The following L3MBTL4 variants were observed in gnomAD, a reference collection of about 807,000 sequenced individuals.
The protein encoded by L3MBTL4 is lethal(3)malignant brain tumor-like protein 4.
Under a neutral mutation model 84.5 loss-of-function variants are expected in L3MBTL4, and 70 were observed. The observed-to-expected ratio is 0.83, with a 90% CI of 0.68 to 1.01. The LOEUF (loss-of-function observed/expected upper bound fraction) is 1.01, where lower values mean the gene tolerates loss of function less well. L3MBTL4 is among the 50% of genes least tolerant of loss of function. L3MBTL4 has a pLI of 0.00. For missense variants in L3MBTL4, 715 were observed against 754.8 expected, an observed-to-expected ratio of 0.95 and a Z score of 0.62; for synonymous variants, 274 against 259.8, an observed-to-expected ratio of 1.05 and a Z score of -0.52.
chr18:6,379,003 G>C (rs2054488941), intron 1 of L3MBTL4, among the ~76,000 whole-genome samples: 1 of 152,126 alleles, frequency 6.6e-6, no homozygotes, highest in African/African-American at 2.4e-5. Context: ...CTTGAGCAGT[G>C]GTTTGTAGTT....
intron 16 of L3MBTL4, among the ~76,000 whole-genome samples, chr18:6,068,660 A>G (rs1461546111): frequency 6.6e-6 from 1 of 152,176 alleles, no homozygotes; most frequent in African/African-American, 2.4e-5. Context: ...ATGTGCATCT[A>G]CACTGCATTC....
chr18:6,105,434 C>T (rs2058972136), intron 14 of L3MBTL4, among the ~76,000 whole-genome samples: 3 of 151,436 alleles, frequency 2.0e-5, no homozygotes, highest in Non-Finnish European at 4.4e-5. Context: ...AGGTGATTCT[C>T]CTGCCTCGAT....
intron 1 of L3MBTL4, among the ~76,000 whole-genome samples, chr18:6,337,197 G>A (rs1158744745): frequency 6.6e-6 from 1 of 152,070 alleles, no homozygotes; most frequent in Non-Finnish European, 1.5e-5. Context: ...GGAAAAAAAT[G>A]AGAAAACTAA....
chr18:6,136,251 C>G (rs1485552388), intron 14 of L3MBTL4, among the ~76,000 whole-genome samples: 1 of 152,114 alleles, frequency 6.6e-6, no homozygotes, highest in East Asian at 1.9e-4. Context: ...ATATCACAGC[C>G]CCTCCCAAGT....
chr18:6,019,024 T>C (rs2055129567), intron 16 of L3MBTL4, among the ~76,000 whole-genome samples: 1 of 152,242 alleles, frequency 6.6e-6, no homozygotes, highest in Non-Finnish European at 1.5e-5. Context: ...AGGCTTATAG[T>C]GCATTAGTCT....
chr18:6,393,195 T>C (rs6506385), intron 1 of L3MBTL4, among the ~76,000 whole-genome samples: 78,543 of 151,970 alleles, frequency 0.52, 20,380 homozygotes, highest in East Asian at 0.59. Flanking sequence ...GAATCACAAA[T>C]ATTTGCTTTT....
At chr18:6,272,119 A>G (rs1169724570) in intron 4 of L3MBTL4, among the ~76,000 whole-genome samples, 1 of 152,198 alleles carries the variant, frequency 6.6e-6, no homozygotes, top group Non-Finnish European at 1.5e-5. Flanking sequence ...GTTGAGGGAA[A>G]TGCACCCAGA....
chr18:6,130,212 G>C (rs928055106), intron 14 of L3MBTL4, among the ~76,000 whole-genome samples: 3 of 152,082 alleles, frequency 2.0e-5, no homozygotes, highest in Non-Finnish European at 4.4e-5. Flanking sequence ...CAGTTCAGGT[G>C]AGTTCCAGGC....
rs2050187122 is a variant in L3MBTL4, at chr18:6,298,252, AATTTAT to A, written c.127+3645_127+3650del. On this transcript the variant is annotated intron_variant, in intron 4 of 18. Transcript: ENST00000317931. ...TTAAAAAATATCATCACTACTTATA[AATTTAT>A]ATTTATTTGCATTTTAATGAGACTA... Among the ~76,000 whole-genome samples the A allele has an allele frequency of 1.3e-5, 2 of 152,122 alleles. 1 individual carries two copies. The highest frequency in any genetic ancestry group is 4.1e-4 in the South Asian group (2 of 4,830).
chr18:6,270,176 C>T (rs1485643934), intron 4 of L3MBTL4, among the ~76,000 whole-genome samples: 2 of 152,198 alleles, frequency 1.3e-5, no homozygotes, highest in African/African-American at 2.4e-5. Context: ...CCAATCTGAA[C>T]AACTGATCAC....
chr18:5,989,503 G>A (rs1194131202), intron 16 of L3MBTL4, among the ~76,000 whole-genome samples: 2 of 152,202 alleles, frequency 1.3e-5, no homozygotes, highest in Non-Finnish European at 2.9e-5. Flanking sequence ...AAAGCAGTGT[G>A]CTAAATGAAG....
intron 16 of L3MBTL4, among the ~76,000 whole-genome samples, chr18:5,978,913 G>A (rs1347342944): frequency 6.6e-6 from 1 of 152,164 alleles, no homozygotes; most frequent in Non-Finnish European, 1.5e-5. Context: ...AACGGGAGGG[G>A]CAGGGGAACG....
intron 12 of L3MBTL4, among the ~76,000 whole-genome samples, chr18:6,185,960 C>CATTAT (rs1555682203): frequency 2.1e-5 from 3 of 145,786 alleles, no homozygotes; most frequent in African/African-American, 8.1e-5. Flanking sequence ...AGGGCACTTT[C>CATTAT]TTTATTTTAT....
intron 4 of L3MBTL4, among the ~76,000 whole-genome samples, chr18:6,295,179 G>A (rs2050035792): frequency 1.3e-5 from 2 of 151,890 alleles, no homozygotes; most frequent in Non-Finnish European, 2.9e-5. Flanking sequence ...GGCTAGGGCA[G>A]GAGAATCGTT....
chr18:5,992,425 G>A (rs1182451635), intron 16 of L3MBTL4, among the ~76,000 whole-genome samples: 1 of 152,200 alleles, frequency 6.6e-6, no homozygotes, highest in Non-Finnish European at 1.5e-5. Flanking sequence ...TGGGGCATGA[G>A]GCTGGAGAGT....
intron 16 of L3MBTL4, among the ~76,000 whole-genome samples, chr18:6,000,457 C>T (rs758013079): frequency 2.0e-5 from 3 of 152,024 alleles, no homozygotes; most frequent in Non-Finnish European, 4.4e-5. Flanking sequence ...ATGGACCTTG[C>T]ATAACCCGGA....
intron 1 of L3MBTL4, among the ~76,000 whole-genome samples, chr18:6,402,508 T>G (rs1380042087): frequency 6.6e-6 from 1 of 152,162 alleles, no homozygotes; most frequent in East Asian, 1.9e-4. Context: ...CCTCTCTCTA[T>G]TCTACAAAAT....
At chr18:6,222,210 T>C (rs1228116602) in intron 10 of L3MBTL4, among the ~76,000 whole-genome samples, 1 of 152,212 alleles carries the variant, frequency 6.6e-6, no homozygotes, top group Non-Finnish European at 1.5e-5. Context: ...TTAGACTCTC[T>C]AACATTTACA....
At chr18:6,383,186 G>A (rs1051516459) in intron 1 of L3MBTL4, among the ~76,000 whole-genome samples, 1 of 152,028 alleles carries the variant, frequency 6.6e-6, no homozygotes, top group Admixed American at 6.5e-5. Flanking sequence ...GTCTCAGGTC[G>A]ACCTCAGACT....
Sources: allele counts gnomAD v4.1 joint callset (sites outside exome capture counted in the v4.1 genomes callset), GRCh38; gene constraint gnomAD v4.1.1; transcripts MANE v1.5; gene names NCBI Gene and HGNC (gene_info 2026-07-23, HGNC 2026-07-21).